ZNF800: variants seen among roughly 807,000 people sequenced by gnomAD.
The protein encoded by ZNF800 is zinc finger protein 800.
Under a neutral mutation model 59.5 loss-of-function variants are expected in ZNF800, and 13 were observed. The observed-to-expected ratio is 0.22, with a 90% CI of 0.14 to 0.35. The LOEUF (loss-of-function observed/expected upper bound fraction) is 0.35. Among genes scored for constraint, ZNF800 ranks in the 10% least tolerant of loss-of-function variants. The pLI, the probability that ZNF800 is intolerant of heterozygous loss-of-function variation, is 1.00. For synonymous variants in ZNF800, 266 were observed against 265.7 expected, an observed-to-expected ratio of 1.00 and a Z score of -0.01; for missense variants, 621 against 783.7, an observed-to-expected ratio of 0.79 and a Z score of 2.48.
chr7:127,392,315 T>C lies in ZNF800; in HGVS notation c.-314A>G. On this transcript the variant is annotated 5_prime_UTR_variant, in exon 1 of 6. Coordinates refer to ENST00000265827, the MANE Select transcript of ZNF800 (RefSeq NM_176814.5). ...CGGCGGCTCACGGCGTCCTCCGCGC[T>C]GTGTGGCTAGGCGGGAGGCGCGCGG... is the stretch of plus-strand genomic sequence containing the variant. The C allele has an allele frequency of 2.6e-6, 1 of 384,062 alleles. No homozygotes were observed. Among genetic ancestry groups the C allele is most frequent in the South Asian group, 1.3e-4 (1 of 7,428 alleles). The allele number at this position is 384,062 out of a possible 1,614,324, so 23.8% of individuals were successfully genotyped here. A position where few individuals can be genotyped will look rare whatever the true frequency, so the allele number is the denominator to read the frequency against.
At chr7:127,376,296 A>G (rs1800786045) in intron 4 of ZNF800, among the ~76,000 whole-genome samples, 2 of 151,980 alleles carry the variant, frequency 1.3e-5, no homozygotes, top group African/African-American at 4.8e-5. Flanking sequence ...AAGTTGAAAA[A>G]TGCACAGAAT....
chr7:127,368,942 C>CA (rs1300209102), downstream of ZNF800, among the ~76,000 whole-genome samples: 7 of 150,144 alleles, frequency 4.7e-5, no homozygotes, highest in Admixed American at 2.7e-4. Context: ...CAAAACTAGA[C>CA]AAAAAACTAA....
chr7:127,381,273 C>G (rs1383245524), intron 3 of ZNF800, among the ~76,000 whole-genome samples: 4 of 152,120 alleles, frequency 2.6e-5, no homozygotes, highest in Non-Finnish European at 1.5e-5. Context: ...GACCACTTAA[C>G]TACAATATCA....
intron 4 of ZNF800, among the ~76,000 whole-genome samples, chr7:127,376,705 G>A (rs1219464590): frequency 6.6e-6 from 1 of 151,856 alleles, no homozygotes; most frequent in Non-Finnish European, 1.5e-5. Flanking sequence ...ACTTTTTAAT[G>A]CTCTCCACCA....
rs148414799 is a variant in ZNF800, at chr7:127,374,005, G to GGTGTGT, written c.1325_1330dup (p.Thr443_Pro444insHisThr). 1 of 1,613,864 alleles carries GGTGTGT rather than the reference G, an allele frequency of 6.2e-7. No individual in the cohort carries two copies. The highest frequency in any genetic ancestry group is 2.2e-5 in the East Asian group (1 of 44,872). On this transcript the variant is annotated inframe_insertion, in exon 5 of 6. Coordinates refer to ENST00000265827, the MANE Select transcript of ZNF800 (RefSeq NM_176814.5). ...TTTAACTTTATTTTTCTGTGCTGCCGGTGTGTTCTTTTTTTCATTTGAATG... is the reference window on the plus strand; with the variant it reads ...TTTAACTTTATTTTTCTGTGCTGCCGGTGTGTGTGTGTTCTTTTTTTCATTTGAATG...
Position 127,392,249 on chromosome 7 carries a change from C to T in ZNF800, c.-248G>A, listed in dbSNP as rs1293640413. The T allele has an allele frequency of 1.8e-5, 7 of 393,582 alleles. No homozygotes were observed. Among genetic ancestry groups the T allele is most frequent in the Non-Finnish European group, 3.1e-5 (7 of 222,758 alleles). The allele number at this position is 393,582 out of a possible 1,614,324, so 24.4% of individuals were successfully genotyped here. On this transcript the variant is annotated 5_prime_UTR_variant, in exon 1 of 6. Transcript: ENST00000265827. The stretch of plus-strand genomic sequence containing the variant: ...CCCGCCGGCGCTGACGCGGAAGCGC[C>T]ACAGCTCACCACGTCCCTCCGCGGG...
rs1383080827 is a variant in ZNF800 at position 127,377,722 on chromosome 7, A to C, written c.158-393T>G. On this transcript the variant is annotated intron_variant, in intron 3 of 5. Coordinates refer to ENST00000265827, the MANE Select transcript of ZNF800 (RefSeq NM_176814.5). This position sits in a 1 kb window ranked among gnomAD's most constrained non-coding sequence, Gnocchi z 4.7. The stretch of plus-strand genomic sequence containing the variant: ...CAGAAAAATTAAATGTTCCCCCATT[A>C]TTCCCTGGCAAACTTTTTGGCTGGT... Among the ~76,000 whole-genome samples the C allele has an allele frequency of 6.6e-6, 1 of 152,046 alleles. No homozygotes were observed. The highest frequency in any genetic ancestry group is 2.4e-5 in the African/African-American group (1 of 41,422).
chr7:127,349,930 G>A (rs1300744012), intron 1 of ZNF800: 1 of 152,154 alleles, frequency 6.6e-6, no homozygotes, highest in African/African-American at 2.4e-5. Flanking sequence ...TCCCTATTAT[G>A]TCTCCTGCAC....
intron 1 of ZNF800, among the ~76,000 whole-genome samples, chr7:127,352,673 C>T (rs545622173): frequency 1.6e-4 from 24 of 152,280 alleles, no homozygotes; most frequent in African/African-American, 5.1e-4. Flanking sequence ...CCTGACACTT[C>T]CCATCTCAAA....
At chr7:127,378,352 G>A (rs1282971691) in intron 3 of ZNF800, among the ~76,000 whole-genome samples, 1 of 152,044 alleles carries the variant, frequency 6.6e-6, no homozygotes, top group African/African-American at 2.4e-5. Flanking sequence ...CTTTGCCACA[G>A]GTAAGGTGGC....
intron 3 of ZNF800, among the ~76,000 whole-genome samples, chr7:127,379,762 A>G (rs1035841887): frequency 1.3e-5 from 2 of 151,796 alleles, no homozygotes; most frequent in African/African-American, 4.8e-5. Context: ...AAACATCCAA[A>G]AAAAAGTATT....
chr7:127,349,312 T>C (rs916757891), intron 1 of ZNF800, among the ~76,000 whole-genome samples: 1 of 152,168 alleles, frequency 6.6e-6, no homozygotes, highest in African/African-American at 2.4e-5. Context: ...ATTTAAAATT[T>C]TAAGTTAATA....
chr7:127,383,890 C>G (rs890262147), intron 3 of ZNF800, among the ~76,000 whole-genome samples: 2 of 151,966 alleles, frequency 1.3e-5, no homozygotes, highest in African/African-American at 4.8e-5. Flanking sequence ...TAAAAAATAA[C>G]TCAAAAGGCA....
At position 127,374,527 on chromosome 7, in the gene ZNF800, G is replaced by C; in HGVS notation, c.809C>G (p.Pro270Arg). The change falls in exon 5 of 6, where the codon CCA (proline) becomes CGA (arginine). Residue 270 changes from proline (P) to arginine (R), a missense_variant. This residue lies in a region of ZNF800 where 218 missense variants were observed against 230.8 expected (regional missense o/e 0.94). Transcript: ENST00000265827. ...LKKYIETRKN[P>R]NQSSKGRSKN... ...ACTGCGTCCTTTAGAGGATTGGTTT[G>C]GATTCTTTCGTGTTTCAATGTACTT... The C allele has an allele frequency of 6.2e-7, 1 of 1,614,028 alleles. No homozygotes were observed. Among genetic ancestry groups the C allele is most frequent in the Non-Finnish European group, 8.5e-7 (1 of 1,179,958 alleles).
chr7:127,360,103 A>G (rs1406841764), intron 1 of ZNF800: 1 of 152,010 alleles, frequency 6.6e-6, no homozygotes, highest in African/African-American at 2.4e-5. Context: ...ACATGATCAT[A>G]TATATGTTAA....
chr7:127,374,896 A>T lies in ZNF800; in HGVS notation c.440T>A (p.Ile147Asn), dbSNP rs765149134. ...ETNQNAVFQY[I>N]SRTDNPIEVT... ...TTCAATAGGATTATCAGTCCTCGAA[A>T]TATATTGAAATACTGCATTTTGATT... The change falls in exon 5 of 6, where the codon ATT becomes AAT. Residue 147 changes from isoleucine (I) to asparagine (N), a missense_variant. Physicochemically the swap from Ile to Asn is moderately radical, Grantham distance 149. Around this residue, in one of 7 missense-constraint regions of ZNF800, gnomAD observed 218 missense variants for 230.8 expected, o/e 0.94. Coordinates refer to ENST00000265827, the MANE Select transcript of ZNF800 (RefSeq NM_176814.5). 1 of 1,613,978 alleles carries T rather than the reference A, an allele frequency of 6.2e-7. No individual in the cohort carries two copies. Among genetic ancestry groups the T allele is most frequent in the Admixed American group, 1.7e-5 (1 of 60,010 alleles).
intron 1 of ZNF800, chr7:127,363,959 T>C (rs1309335297): frequency 6.6e-6 from 1 of 152,062 alleles, no homozygotes; most frequent in Non-Finnish European, 1.5e-5. Flanking sequence ...TGTAAGGATA[T>C]GGGAAGGTGG....
At chr7:127,344,733 T>G (rs17865903), downstream of ZNF800, among the ~76,000 whole-genome samples, 3,066 of 152,208 alleles carry the variant, frequency 0.02, 120 homozygotes, top group African/African-American at 0.07. Flanking sequence ...AATTTAGTAT[T>G]TGATAAATGT....
In ZNF800 at chr7:127,374,755, G is replaced by C; in HGVS notation, c.581C>G (p.Pro194Arg). The change falls in exon 5 of 6, where the codon CCT becomes CGT. Residue 194 changes from proline (P) to arginine (R), a missense_variant. Pro to Arg is a moderately radical substitution (Grantham distance 103, BLOSUM62 -2). Around this residue, in one of 7 missense-constraint regions of ZNF800, gnomAD observed 218 missense variants for 230.8 expected, o/e 0.94. Transcript: ENST00000265827. ...TTCATCTGTAACAATCTCAACAGGA[G>C]GGGGCTCTACAGTTTCCACCTCTGT... ...TDTEVETVEPPPVEIVTDEVA... is the reference protein window; with the variant it reads ...TDTEVETVEPRPVEIVTDEVA... The C allele has an allele frequency of 6.2e-7, 1 of 1,613,956 alleles. No homozygotes were observed. The highest frequency in any genetic ancestry group is 1.1e-5 in the South Asian group (1 of 91,070).
Sources: allele counts gnomAD v4.1 joint callset (sites outside exome capture counted in the v4.1 genomes callset), GRCh38; gene constraint gnomAD v4.1.1; regional missense constraint gnomAD v4.1.1; non-coding constraint Gnocchi (gnomAD v3.1); transcripts MANE v1.5; gene names NCBI Gene and HGNC (gene_info 2026-07-23, HGNC 2026-07-21).